Variants in NRXN3 observed in about 807,000 individuals in gnomAD.
NRXN3 encodes neurexin III.
NRXN3 carries 32 observed loss-of-function variants against 137.6 expected under a neutral mutation model. The ratio of observed to expected loss-of-function variants is 0.23; its 90% CI spans 0.18 to 0.31. NRXN3 has a LOEUF of 0.31. Ranked by LOEUF, NRXN3 falls within the 10% of genes least tolerant of loss-of-function variation. NRXN3 has a pLI of 1.00. For synonymous variants in NRXN3, 798 were observed against 784.5 expected (o/e 1.02, Z -0.29); for missense variants, 1,574 against 2,062.5 (o/e 0.76, Z 4.59).
chr14:78,415,642 G>A (rs2093092504), intron 4 of NRXN3, among the ~76,000 whole-genome samples: 2 of 152,152 alleles, frequency 1.3e-5, no homozygotes, highest in Admixed American at 1.3e-4. Flanking sequence ...CATCCCTGCT[G>A]CTATGGACTG....
At chr14:79,000,432 G>A (rs1240613139) in intron 15 of NRXN3, among the ~76,000 whole-genome samples, 1 of 152,142 alleles carries the variant, frequency 6.6e-6, no homozygotes, top group African/African-American at 2.4e-5. Flanking sequence ...TAAAGGTAAG[G>A]TATCTACTTG....
In NRXN3 at chr14:78,562,265, C is replaced by T. The variant is rs201996172; in HGVS notation, c.758-82855C>T. 5.9e-5 allele frequency among the ~76,000 whole-genome samples: 9 copies of T among 151,946 alleles called. No homozygotes were observed. In the East Asian group the frequency reaches 1.7e-3, roughly 29 times the overall value. ...TACAAAAATTAGTCAGGTGTGGTGG[C>T]ACACCCCTGTAGTCCCGGCTACTCA... On this transcript the variant is annotated intron_variant, in intron 4 of 20. Coordinates refer to ENST00000335750, the MANE Select transcript of NRXN3 (RefSeq NM_001330195.2).
intron 11 of NRXN3, among the ~76,000 whole-genome samples, chr14:78,965,096 G>A (rs2152991669): frequency 6.6e-6 from 1 of 152,000 alleles, no homozygotes; most frequent in Non-Finnish European, 1.5e-5. Context: ...TAGCCTCTAG[G>A]GACTCAAAGC....
At chr14:79,064,752 T>G (rs1428018749) in intron 15 of NRXN3, among the ~76,000 whole-genome samples, 2 of 141,272 alleles carry the variant, frequency 1.4e-5, no homozygotes, top group East Asian at 4.2e-4. Flanking sequence ...TATATATATA[T>G]AATTACCCAT....
chr14:78,321,238 C>T (rs1034044585), intron 4 of NRXN3, among the ~76,000 whole-genome samples: 14 of 152,064 alleles, frequency 9.2e-5, no homozygotes, highest in African/African-American at 2.9e-4. Flanking sequence ...TCCAGTGTCT[C>T]GTGCATGCTG....
chr14:78,599,314 A>T (rs1230691957), intron 4 of NRXN3, among the ~76,000 whole-genome samples: 1 of 152,232 alleles, frequency 6.6e-6, no homozygotes, highest in African/African-American at 2.4e-5. Context: ...AATGCAACTT[A>T]TGCTGGCAAA....
At chr14:79,321,323 C>T (rs764056899) in intron 15 of NRXN3, among the ~76,000 whole-genome samples, 1 of 151,976 alleles carries the variant, frequency 6.6e-6, no homozygotes, top group African/African-American at 2.4e-5. Flanking sequence ...TCTAACTGGA[C>T]CTTTAGTCCA....
intron 16 of NRXN3, among the ~76,000 whole-genome samples, chr14:79,496,623 G>C (rs1312463211): frequency 2.6e-5 from 4 of 152,202 alleles, no homozygotes; most frequent in African/African-American, 9.6e-5. Flanking sequence ...TAATTATAGT[G>C]TGTTTAGATT....
In NRXN3 at chr14:79,577,167, T is replaced by C. The variant is rs117170270; in HGVS notation, c.3445-86611T>C. Among the ~76,000 whole-genome samples, 2,296 of 152,294 alleles carry C rather than the reference T, an allele frequency of 0.015. 163 individuals are homozygous for C. The East Asian group carries it at 0.25, about 16-fold the overall frequency. On this transcript the variant is annotated intron_variant, in intron 16 of 20. Transcript: ENST00000335750. ...GCTCCTCATTCACCTTCCATCATGA[T>C]AGTGAGGCCTCCCAAGCCTTGTGGA...
chr14:79,304,022 A>C (rs2085598430), intron 15 of NRXN3, among the ~76,000 whole-genome samples: 1 of 152,134 alleles, frequency 6.6e-6, no homozygotes, highest in South Asian at 2.1e-4. Flanking sequence ...TCTTTTTACA[A>C]TTATCATCTC....
chr14:79,859,085 G>T (rs916054682), intron 20 of NRXN3, among the ~76,000 whole-genome samples: 3 of 151,688 alleles, frequency 2.0e-5, no homozygotes, highest in African/African-American at 7.3e-5. Context: ...CAAACTCTGA[G>T]CACCAGAATA....
chr14:79,729,467 G>C (rs2098913586), intron 19 of NRXN3, among the ~76,000 whole-genome samples: 1 of 152,120 alleles, frequency 6.6e-6, no homozygotes, highest in Admixed American at 6.5e-5. Context: ...GTAGTGACTA[G>C]TTGGATGGCC....
chr14:79,139,573 A>G (rs2058594536), intron 15 of NRXN3, among the ~76,000 whole-genome samples: 1 of 152,166 alleles, frequency 6.6e-6, no homozygotes, highest in Admixed American at 6.5e-5. Flanking sequence ...ATGAATATCT[A>G]GAAAACATCT....
At chr14:79,031,062 C>T (rs146306369) in intron 15 of NRXN3, among the ~76,000 whole-genome samples, 1 of 152,086 alleles carries the variant, frequency 6.6e-6, no homozygotes, top group East Asian at 1.9e-4. Context: ...TGAAAATGGC[C>T]CATCTGGATT....
At chr14:78,490,517 A>G (rs1184811618) in intron 4 of NRXN3, among the ~76,000 whole-genome samples, 2 of 152,134 alleles carry the variant, frequency 1.3e-5, no homozygotes, top group African/African-American at 4.8e-5. Flanking sequence ...GCTTGTTTCT[A>G]TGTCCCCATG....
intron 1 of NRXN3, among the ~76,000 whole-genome samples, chr14:78,229,499 A>G (rs2065099021): frequency 6.6e-6 from 1 of 151,988 alleles, no homozygotes; most frequent in Non-Finnish European, 1.5e-5. Flanking sequence ...TCCTCTCCAG[A>G]TCTGGTATTC....
At chr14:78,334,914 A>T (rs919417979) in intron 4 of NRXN3, among the ~76,000 whole-genome samples, 1 of 152,194 alleles carries the variant, frequency 6.6e-6, no homozygotes, top group South Asian at 2.1e-4. Context: ...TTTTGCCAAC[A>T]TTATATCCTC....
chr14:78,850,047 C>T (rs2099038439), intron 10 of NRXN3, among the ~76,000 whole-genome samples: 1 of 152,138 alleles, frequency 6.6e-6, no homozygotes, highest in South Asian at 2.1e-4. Flanking sequence ...AATGTAATCA[C>T]TTCCCTTTAA....
chr14:79,083,951 C>T (rs1330081916), intron 15 of NRXN3, among the ~76,000 whole-genome samples: 1 of 152,156 alleles, frequency 6.6e-6, no homozygotes, highest in Non-Finnish European at 1.5e-5. Context: ...GTCATCCAGG[C>T]TGGAGTGCAG....
Sources: allele counts gnomAD v4.1 joint callset (sites outside exome capture counted in the v4.1 genomes callset), GRCh38; gene constraint gnomAD v4.1.1; transcripts MANE v1.5; gene names NCBI Gene and HGNC (gene_info 2026-07-23, HGNC 2026-07-21).